AGAP1: variants seen among roughly 807,000 people sequenced by gnomAD.
AGAP1 encodes ArfGAP with GTPase domain, ankyrin repeat and PH domain 1.
AGAP1 carries 29 observed loss-of-function variants against 105.3 expected under a neutral mutation model. The observed-to-expected ratio is 0.28, with a 90% CI of 0.21 to 0.38. AGAP1 has a LOEUF of 0.38. AGAP1 is among the 10% of genes least tolerant of loss of function. The pLI is 1.00. For synonymous variants in AGAP1, 509 were observed against 485.9 expected (o/e 1.05, Z -0.63); for missense variants, 998 against 1,165.1 (o/e 0.86, Z 2.09).
intron 12 of AGAP1, among the ~76,000 whole-genome samples, chr2:235,935,573 T>C (rs1286765856): frequency 6.6e-6 from 1 of 152,176 alleles, no homozygotes; most frequent in Non-Finnish European, 1.5e-5. Flanking sequence ...TGGTTTAAAC[T>C]GTTTATCACT....
intron 13 of AGAP1, among the ~76,000 whole-genome samples, chr2:235,986,924 T>G (rs895236661): frequency 1.3e-5 from 2 of 152,180 alleles, no homozygotes; most frequent in African/African-American, 4.8e-5. Context: ...GATATTTGCC[T>G]GAAGTTTTCT....
chr2:235,880,125 T>A lies in AGAP1; in HGVS notation c.1051-3220T>A, dbSNP rs139254720. 5.2e-3 allele frequency among the ~76,000 whole-genome samples: 787 copies of A among 151,304 alleles called. 3 individuals carry two copies. The highest frequency in any genetic ancestry group is 9.2e-3 in the Non-Finnish European group (624 of 67,878). ...TTTAAAGTTTTAATTCAGCCTAATT[T>A]AGTTCCTCAGAAAGCTATAAAATGA... On this transcript the variant is annotated intron_variant, in intron 9 of 17. Transcript: ENST00000304032.
At chr2:235,859,845 C>G (rs2048851715) in intron 9 of AGAP1, among the ~76,000 whole-genome samples, 1 of 152,164 alleles carries the variant, frequency 6.6e-6, no homozygotes, top group Admixed American at 6.5e-5. Flanking sequence ...TCCTCTTTCG[C>G]CAGCAAGAGG....
At position 236,096,411 on chromosome 2, in the gene AGAP1, G is replaced by A. The variant is rs1209540555; in HGVS notation, c.2115-23781G>A. 6.6e-6 allele frequency among the ~76,000 whole-genome samples: 1 copy of A among 150,942 alleles called. No individual in the cohort carries two copies. Among genetic ancestry groups the A allele is most frequent in the Non-Finnish European group, 1.5e-5 (1 of 67,862 alleles). On this transcript the variant is annotated intron_variant, in intron 16 of 17. Transcript: ENST00000304032. The surrounding 1 kb of genome is among the most constrained non-coding windows in gnomAD (Gnocchi z 4.4). ...AACTACTTGGGAAGCTGAGGCAAGA[G>A]AATCCCTTGAACCTGAGAGGCAGAG...
chr2:235,931,011 C>G lies in AGAP1; in HGVS notation c.1483+88C>G, dbSNP rs578087551. ...GGCTGGACAGGACGCCCTAAGCTCT[C>G]ATGCTCCTCTGGGAGCGCAGCACCC... On this transcript the variant is annotated intron_variant, in intron 12 of 17. Coordinates refer to ENST00000304032, the MANE Select transcript of AGAP1 (RefSeq NM_001037131.3). The surrounding 1 kb of genome is among the most constrained non-coding windows in gnomAD (Gnocchi z 5.6). The G allele has an allele frequency of 1.4e-6, 2 of 1,468,768 alleles. No homozygotes were observed. Among genetic ancestry groups the G allele is most frequent in the Admixed American group, 2.2e-5 (1 of 45,270 alleles). 91.0% of individuals were successfully genotyped at this position (1,468,768 alleles called of 1,614,324 possible). A position where few individuals can be genotyped will look rare whatever the true frequency, so the allele number is the denominator to read the frequency against.
chr2:236,048,706 G>A (rs921427394), intron 15 of AGAP1, among the ~76,000 whole-genome samples: 1 of 152,216 alleles, frequency 6.6e-6, no homozygotes, highest in Non-Finnish European at 1.5e-5. Context: ...CACAGTGGAT[G>A]CCGAGTCACA....
rs1197381283 is a variant in AGAP1, at chr2:235,661,803, G to C, written c.164-47376G>C. ...GGTCTTACAGGAGCCAGGGACAGGT[G>C]GGGCCATGTCTGGAGTAGACAGTGA... On this transcript the variant is annotated intron_variant, in intron 1 of 17. Transcript: ENST00000304032. Among the ~76,000 whole-genome samples the C allele has an allele frequency of 1.4e-4, 22 of 152,324 alleles. 1 individual carries two copies. The South Asian group carries it at 4.1e-3, about 29-fold the overall frequency.
At chr2:236,111,495 TAAA>T (rs34157824) in intron 16 of AGAP1, among the ~76,000 whole-genome samples, 1 of 128,504 alleles carries the variant, frequency 7.8e-6, no homozygotes, top group Non-Finnish European at 1.8e-5. Context: ...GACCCTGTCT[TAAA>T]AAAAAAAAGA....
At chr2:235,501,803 C>T (rs1941573859) in intron 1 of AGAP1, among the ~76,000 whole-genome samples, 1 of 152,184 alleles carries the variant, frequency 6.6e-6, no homozygotes, top group African/African-American at 2.4e-5. Flanking sequence ...ATCCTCCAGC[C>T]TTCACGTCCT....
At position 235,792,652 on chromosome 2, in the gene AGAP1, A is replaced by G. The variant is rs528995701; in HGVS notation, c.674-5107A>G. On this transcript the variant is annotated intron_variant, in intron 6 of 17. Transcript: ENST00000304032. This position sits in a 1 kb window ranked among gnomAD's most constrained non-coding sequence, Gnocchi z 5.3. ...AGAAACTCTGGTGGTTGAACCAATC[A>G]TCTGTTAGGTCTGTTCTGTCCATGG... is the stretch of plus-strand genomic sequence containing the variant. Among the ~76,000 whole-genome samples, 85 of 152,348 alleles carry G rather than the reference A, an allele frequency of 5.6e-4. No homozygotes were observed. The highest frequency in any genetic ancestry group is 1.5e-3 in the African/African-American group (63 of 41,592).
intron 1 of AGAP1, among the ~76,000 whole-genome samples, chr2:235,629,301 T>C (rs1946747328): frequency 6.6e-6 from 1 of 151,446 alleles, no homozygotes; most frequent in Non-Finnish European, 1.5e-5. Context: ...TGTGTGTGTG[T>C]GTGTGTGTGT....
At chr2:235,640,160 C>A (rs4663207) in intron 1 of AGAP1, among the ~76,000 whole-genome samples, 100,732 of 152,110 alleles carry the variant, frequency 0.66, 33,614 homozygotes, top group East Asian at 0.75. Flanking sequence ...CAGAAACTCA[C>A]TTTGCTGTTT....
At position 235,979,190 on chromosome 2, in the gene AGAP1, C is replaced by T. The variant is rs1209190701; in HGVS notation, c.1645+10567C>T. Among the ~76,000 whole-genome samples the T allele has an allele frequency of 2.7e-5, 4 of 148,790 alleles. No individual in the cohort carries two copies. The highest frequency in any genetic ancestry group is 1.0e-4 in the African/African-American group (4 of 39,894). The stretch of plus-strand genomic sequence containing the variant: ...CTCACTGTGTTGTCCGGGCTAGTCT[C>T]AAATCCCTGGTCTCAAGAGATCCTC... On this transcript the variant is annotated intron_variant, in intron 13 of 17. Coordinates refer to ENST00000304032, the MANE Select transcript of AGAP1 (RefSeq NM_001037131.3). This position sits in a 1 kb window ranked among gnomAD's most constrained non-coding sequence, Gnocchi z 4.5.
chr2:235,995,670 CCAT>C (rs1405024335), intron 13 of AGAP1, among the ~76,000 whole-genome samples: 4 of 152,212 alleles, frequency 2.6e-5, no homozygotes, highest in Admixed American at 1.3e-4. Flanking sequence ...TCCGATTCTG[CCAT>C]CAAGAAAGCT....
chr2:235,686,614 G>GATATAGAGATATATATATATATATATAT (rs1949410211), intron 1 of AGAP1, among the ~76,000 whole-genome samples: 1 of 37,928 alleles, frequency 2.6e-5, no homozygotes, highest in Non-Finnish European at 5.1e-5. Context: ...TATACGTGGA[G>GATATAGAGATATATATATATATATATAT]ATATAGATAT....
At chr2:235,840,370 G>C (rs1960674086) in intron 9 of AGAP1, among the ~76,000 whole-genome samples, 1 of 152,254 alleles carries the variant, frequency 6.6e-6, no homozygotes, top group African/African-American at 2.4e-5. Flanking sequence ...TTATGTAGGG[G>C]CAGAGAAGAC....
chr2:235,765,865 C>T (rs1954909432), intron 6 of AGAP1, among the ~76,000 whole-genome samples: 1 of 152,176 alleles, frequency 6.6e-6, no homozygotes, highest in Admixed American at 6.5e-5. Flanking sequence ...TTTCATTATT[C>T]AATGAAAAGT....
Position 235,690,275 on chromosome 2 carries a change from C to T in AGAP1, c.164-18904C>T, listed in dbSNP as rs1041774009. Among the ~76,000 whole-genome samples the T allele has an allele frequency of 6.6e-6, 1 of 152,086 alleles. No homozygotes were observed. The highest frequency in any genetic ancestry group is 6.5e-5 in the Admixed American group (1 of 15,276). The stretch of plus-strand genomic sequence containing the variant: ...TGTTGAGCTAAAAGGGACTCTGACC[C>T]TCCCTCCGCACCCCACCCTTTAAAG... On this transcript the variant is annotated intron_variant, in intron 1 of 17. Transcript: ENST00000304032. This position sits in a 1 kb window ranked among gnomAD's most constrained non-coding sequence, Gnocchi z 4.1.
At position 236,053,070 on chromosome 2, in the gene AGAP1, C is replaced by A. The variant is rs376968863; in HGVS notation, c.2114+3789C>A. ...GCGTGTGTGCGGTACCATAACGTAG[C>A]GTGTTGTAGGGCGTCGAGCAGCTGG... On this transcript the variant is annotated intron_variant, in intron 16 of 17. Coordinates refer to ENST00000304032, the MANE Select transcript of AGAP1 (RefSeq NM_001037131.3). The surrounding 1 kb of genome is among the most constrained non-coding windows in gnomAD (Gnocchi z 4.6). Among the ~76,000 whole-genome samples, 25 of 152,234 alleles carry A rather than the reference C, an allele frequency of 1.6e-4. No homozygotes were observed. The South Asian group carries it at 4.6e-3, about 28-fold the overall frequency.
Sources: gnomAD v4.1 joint callset for allele counts (sites outside exome capture counted in the v4.1 genomes callset) on GRCh38, gnomAD v4.1.1 for gene constraint, Gnocchi (gnomAD v3.1) non-coding constraint, MANE v1.5 for transcripts, NCBI Gene and HGNC (gene_info 2026-07-23, HGNC 2026-07-21) for gene names.